Variants in RNF8 observed in about 807,000 individuals in gnomAD.
RNF8 encodes the protein E3 ubiquitin-protein ligase RNF8.
A neutral mutation model predicts 59.3 loss-of-function variants in RNF8; 8 were observed. The ratio of observed to expected loss-of-function variants is 0.13; its 90% CI spans 0.08 to 0.24. The LOEUF (loss-of-function observed/expected upper bound fraction) is 0.24, where lower values mean the gene tolerates loss of function less well. RNF8 is among the 10% of genes least tolerant of loss of function. The pLI is 1.00. For synonymous variants in RNF8, 162 were observed against 200.0 expected, an observed-to-expected ratio of 0.81 and a Z score of 1.60; for missense variants, 406 against 572.6, an observed-to-expected ratio of 0.71 and a Z score of 2.97.
At chr6:37,365,995 T>C (rs1441082140) in intron 2 of RNF8, among the ~76,000 whole-genome samples, 1 of 152,106 alleles carries the variant, frequency 6.6e-6, no homozygotes, top group East Asian at 1.9e-4. Flanking sequence ...AAGGACAAAA[T>C]GTGATGGGAG....
chr6:37,359,885 G>A (rs539248687), intron 1 of RNF8, among the ~76,000 whole-genome samples: 1 of 152,322 alleles, frequency 6.6e-6, no homozygotes, highest in Admixed American at 6.5e-5. Flanking sequence ...CATTAGAATG[G>A]CAAAGGCTCA....
chr6:37,366,893 A>G (rs915955941), intron 2 of RNF8, among the ~76,000 whole-genome samples: 4 of 152,236 alleles, frequency 2.6e-5, no homozygotes, highest in African/African-American at 4.8e-5. Context: ...TTTAGGACCT[A>G]TCATCTCCAT....
In RNF8 at chr6:37,368,736, G is replaced by C; in HGVS notation, c.493G>C (p.Gly165Arg). 6.2e-7 allele frequency: 1 copy of C among 1,614,170 alleles called. No homozygotes were observed. Reference sequence around the variant, plus strand: ...CAGTTTGGATGAATTAGCAGGTCCTGGAGCTGAAGGCCCCTCAAATTTGAA... The same window carrying C: ...CAGTTTGGATGAATTAGCAGGTCCTCGAGCTGAAGGCCCCTCAAATTTGAA... ...KFSLDELAGP[G>R]AEGPSNLKSK... Residue 165 changes from glycine (G) to arginine (R), a missense_variant, in exon 3 of 8, where the codon GGA becomes CGA. Gly to Arg is a moderately radical substitution (Grantham distance 125). Around this residue, in one of 3 missense-constraint regions of RNF8, gnomAD observed 285 missense variants for 342.0 expected, o/e 0.83. Coordinates refer to ENST00000373479, the MANE Select transcript of RNF8 (RefSeq NM_003958.4).
At chr6:37,388,217 C>T (rs1770589364) in intron 7 of RNF8, among the ~76,000 whole-genome samples, 1 of 152,156 alleles carries the variant, frequency 6.6e-6, no homozygotes, top group South Asian at 2.1e-4. Flanking sequence ...GAGGTAGAAT[C>T]CACAGGTCTG....
intron 5 of RNF8, among the ~76,000 whole-genome samples, chr6:37,375,591 C>T (rs1769979921): frequency 2.6e-5 from 4 of 152,136 alleles, no homozygotes; most frequent in Admixed American, 2.0e-4. Context: ...GTTTGATTTC[C>T]TGTTTAAATC....
intron 2 of RNF8, among the ~76,000 whole-genome samples, chr6:37,367,435 G>A (rs181667482): frequency 2.6e-5 from 4 of 152,138 alleles, no homozygotes; most frequent in Non-Finnish European, 4.4e-5. Context: ...ACAGAGTCTC[G>A]CTCTGTCACC....
chr6:37,373,437 C>T (rs1221424253), intron 4 of RNF8, among the ~76,000 whole-genome samples: 5 of 152,176 alleles, frequency 3.3e-5, no homozygotes, highest in African/African-American at 9.7e-5. Context: ...GACAGTGTCT[C>T]GTTCTGTCAC....
At chr6:37,354,391 A>T in intron 1 of RNF8, 116 bp downstream of exon 1, 2 of 800,650 alleles carry the variant, frequency 2.5e-6, no homozygotes, top group South Asian at 1.8e-5. Context: ...GGCGGGCATC[A>T]GGAAGAGGAG....
rs955544543 is a variant in RNF8 at position 37,374,503 on chromosome 6, T to C, written c.1039-117T>C. On this transcript the variant is annotated intron_variant, in intron 4 of 7. Coordinates refer to ENST00000373479, the MANE Select transcript of RNF8 (RefSeq NM_003958.4). ...AAGGTATTATTTTGAAATTGCCAATTTATCGATCCCTGAACCACAAAGTCA... is the reference window on the plus strand; with the variant it reads ...AAGGTATTATTTTGAAATTGCCAATCTATCGATCCCTGAACCACAAAGTCA... The C allele has an allele frequency of 4.3e-5, 30 of 705,572 alleles. 1 individual carries two copies. The highest frequency in any genetic ancestry group is 7.2e-5 in the Non-Finnish European group (30 of 415,064). 43.7% of individuals were successfully genotyped at this position (705,572 alleles called of 1,614,324 possible).
rs965785475 is a variant in RNF8, at chr6:37,360,481, A to G, written c.147A>G (p.Gln49=). The G allele has an allele frequency of 1.9e-6, 3 of 1,613,998 alleles. No individual in the cohort carries two copies. Among genetic ancestry groups the G allele is most frequent in the Non-Finnish European group, 2.5e-6 (3 of 1,179,930 alleles). The change falls in exon 2 of 8, where the codon CAA becomes CAG. Residue 49 remains glutamine (Q), a synonymous_variant. Coordinates refer to ENST00000373479, the MANE Select transcript of RNF8 (RefSeq NM_003958.4). This position sits in a 1 kb window ranked among gnomAD's most constrained non-coding sequence, Gnocchi z 4.2. ...GACGAGGATTTGGTGTCACATACCA[A>G]CTGGTATCAAAAATCTGCCCCCTGA... ...TVGRGFGVTY[Q]LVSKICPLMI...
chr6:37,390,373 G>A lies in RNF8; in HGVS notation c.1442-369G>A, dbSNP rs750390265. On this transcript the variant is annotated intron_variant, in intron 7 of 7. Coordinates refer to ENST00000373479, the MANE Select transcript of RNF8 (RefSeq NM_003958.4). ...CTATTTGAGGGAAGCTCTGAAGGAG[G>A]TGGCCATGCTGCCATGTAGGGAAAG... is the stretch of plus-strand genomic sequence containing the variant. 1.8e-4 allele frequency among the ~76,000 whole-genome samples: 27 copies of A among 152,332 alleles called. 1 individual carries two copies. Among genetic ancestry groups the A allele is most frequent in the Middle Eastern group, 3.4e-3 (1 of 294 alleles).
At chr6:37,381,421 T>G (rs1256365037) in intron 7 of RNF8, 67 bp downstream of exon 7, 4 of 1,421,630 alleles carry the variant, frequency 2.8e-6, no homozygotes, top group Admixed American at 1.9e-5. Flanking sequence ...TCAACAAATA[T>G]TTTTGGAAAG....
chr6:37,384,157 G>A (rs1770397944), intron 7 of RNF8, among the ~76,000 whole-genome samples: 2 of 140,848 alleles, frequency 1.4e-5, no homozygotes, highest in Admixed American at 7.0e-5. Flanking sequence ...TTTTGAGATG[G>A]TGTCTTGCTT....
intron 5 of RNF8, among the ~76,000 whole-genome samples, chr6:37,376,538 G>A (rs1380096244): frequency 2.0e-5 from 3 of 152,076 alleles, no homozygotes; most frequent in African/African-American, 4.8e-5. Flanking sequence ...GGCGGAAGGG[G>A]CAAATGAGCT....
At position 37,371,845 on chromosome 6, in the gene RNF8, C is replaced by G. The variant is rs1048016648; in HGVS notation, c.1038+271C>G. 2.4e-4 allele frequency among the ~76,000 whole-genome samples: 37 copies of G among 152,252 alleles called. 1 individual carries two copies. The highest frequency in any genetic ancestry group is 2.4e-3 in the Admixed American group (36 of 15,298). On this transcript the variant is annotated intron_variant, in intron 4 of 7. Coordinates refer to ENST00000373479, the MANE Select transcript of RNF8 (RefSeq NM_003958.4). ...GGAGCTTTAGCAGTTAAGAGGCTCTCTGGGGAAGTGGCTCCACTTCTAGAA... is the reference window on the plus strand; with the variant it reads ...GGAGCTTTAGCAGTTAAGAGGCTCTGTGGGGAAGTGGCTCCACTTCTAGAA...
chr6:37,380,854 C>T (rs1001908249), intron 6 of RNF8, among the ~76,000 whole-genome samples: 3 of 151,736 alleles, frequency 2.0e-5, no homozygotes, highest in African/African-American at 4.8e-5. Flanking sequence ...GGCTAATATT[C>T]GTATTTTTAG....
intron 6 of RNF8, among the ~76,000 whole-genome samples, chr6:37,377,868 A>G (rs1394338502): frequency 6.6e-6 from 1 of 152,212 alleles, no homozygotes; most frequent in East Asian, 1.9e-4. Context: ...TGAAACCTCT[A>G]CCATTTGTTA....
chr6:37,382,807 G>A lies in RNF8; in HGVS notation c.1441+1453G>A, dbSNP rs1874737. The stretch of plus-strand genomic sequence containing the variant: ...AGCCTGGCCAACATGGTGAAAGCCC[G>A]TCTCTACTAAAAATACAAAAATTAG... On this transcript the variant is annotated intron_variant, in intron 7 of 7. Coordinates refer to ENST00000373479, the MANE Select transcript of RNF8 (RefSeq NM_003958.4). 2.6e-3 allele frequency among the ~76,000 whole-genome samples: 391 copies of A among 152,174 alleles called. 1 individual carries two copies. The highest frequency in any genetic ancestry group is 6.8e-3 in the Middle Eastern group (2 of 294).
chr6:37,378,734 C>T lies in RNF8; in HGVS notation c.1236+1701C>T, dbSNP rs541978924. On this transcript the variant is annotated intron_variant, in intron 6 of 7. Transcript: ENST00000373479. ...CAGAACTGTTTCTTTTCCTCTGGGT[C>T]CGTTTGGACTTCAGATCGTAACTTC... Among the ~76,000 whole-genome samples, 11 of 152,148 alleles carry T rather than the reference C, an allele frequency of 7.2e-5. No individual in the cohort carries two copies. The East Asian group carries it at 1.7e-3, about 24-fold the overall frequency.
Sources: gnomAD v4.1 joint callset for allele counts (sites outside exome capture counted in the v4.1 genomes callset) on GRCh38, gnomAD v4.1.1 for gene constraint, gnomAD v4.1.1 regional missense constraint, Gnocchi (gnomAD v3.1) non-coding constraint, MANE v1.5 for transcripts, NCBI Gene and HGNC (gene_info 2026-07-23, HGNC 2026-07-21) for gene names.